PIK3C2G: variants seen among roughly 807,000 people sequenced by gnomAD.
PIK3C2G encodes the protein phosphatidylinositol-4-phosphate 3-kinase catalytic subunit type 2 gamma.
Under a neutral mutation model 181.1 loss-of-function variants are expected in PIK3C2G, and 168 were observed. That is an observed-to-expected ratio of 0.93 (90% CI 0.82 to 1.05). The LOEUF (loss-of-function observed/expected upper bound fraction) is 1.05, where lower values mean the gene tolerates loss of function less well. Ranked by LOEUF, PIK3C2G falls within the 50% of genes least tolerant of loss-of-function variation. PIK3C2G has a pLI of 0.00. For synonymous variants in PIK3C2G, 573 were observed against 592.2 expected (o/e 0.97, Z 0.47); for missense variants, 1,869 against 1,732.8 (o/e 1.08, Z -1.40).
chr12:18,511,763 G>T (rs149968009), intron 24 of PIK3C2G, among the ~76,000 whole-genome samples: 4 of 151,920 alleles, frequency 2.6e-5, no homozygotes, highest in African/African-American at 9.6e-5. Context: ...CAGATTCTAT[G>T]GGCCATCTCT....
At chr12:18,285,018 C>T (rs545756224) in intron 2 of PIK3C2G, among the ~76,000 whole-genome samples, 22 of 152,200 alleles carry the variant, frequency 1.4e-4, no homozygotes, top group Non-Finnish European at 2.4e-4. Context: ...ACAGATCTAA[C>T]AAGCTCGCCA....
chr12:18,657,216 A>G, the PIK3C2G span, among the ~76,000 whole-genome samples: 2 of 152,286 alleles, frequency 1.3e-5, no homozygotes, highest in East Asian at 3.9e-4. Flanking sequence ...ATAGAGTTGG[A>G]ACAAACAATT....
At chr12:18,701,627 C>T in the PIK3C2G span, 5 of 1,568,918 alleles carry the variant, frequency 3.2e-6, no homozygotes, top group Non-Finnish European at 4.3e-6. Flanking sequence ...CCTCCTCCTC[C>T]TCCTCCTCCT....
intron 5 of PIK3C2G, among the ~76,000 whole-genome samples, chr12:18,309,035 T>A (rs1321590103): frequency 1.3e-5 from 2 of 151,700 alleles, no homozygotes; most frequent in Non-Finnish European, 3.0e-5. Flanking sequence ...AAGATAAATA[T>A]CTTAGTAGTC....
At chr12:18,652,141 A>C (rs982489872), downstream of PIK3C2G, among the ~76,000 whole-genome samples, 1 of 152,132 alleles carries the variant, frequency 6.6e-6, no homozygotes, top group Non-Finnish European at 1.5e-5. Context: ...AACCCCAGGT[A>C]CCTCAGAATG....
chr12:18,248,809 T>G (rs1481675014), intron 1 of PIK3C2G, among the ~76,000 whole-genome samples: 1 of 152,132 alleles, frequency 6.6e-6, no homozygotes, highest in Non-Finnish European at 1.5e-5. Context: ...TAAATGTGTT[T>G]TATTGGCAAC....
chr12:18,595,670 C>T lies in PIK3C2G; in HGVS notation c.4087+1101C>T, dbSNP rs968329029. On this transcript the variant is annotated intron_variant, in intron 30 of 32. Coordinates refer to ENST00000538779, the MANE Select transcript of PIK3C2G (RefSeq NM_001288772.2). ...TCTTTGGCTTCTGATTGCCCTTAGG[C>T]AGGGCCAGCTGTATCCACTTGTGAC... Among the ~76,000 whole-genome samples the T allele has an allele frequency of 2.0e-5, 3 of 152,108 alleles. No homozygotes were observed. The East Asian group carries it at 5.8e-4, about 29-fold the overall frequency.
At chr12:18,650,434 T>C, downstream of PIK3C2G, among the ~76,000 whole-genome samples, 1 of 149,398 alleles carries the variant, frequency 6.7e-6, no homozygotes, top group East Asian at 2.0e-4. Context: ...TAGGAATTTT[T>C]TTAATCTTTG....
chr12:18,325,536 G>A (rs574685153), intron 8 of PIK3C2G, among the ~76,000 whole-genome samples: 4 of 151,828 alleles, frequency 2.6e-5, no homozygotes, highest in East Asian at 1.9e-4. Flanking sequence ...GTGAAACCCC[G>A]TCTCTACTAA....
At chr12:18,609,845 A>T (rs1291276232) in intron 31 of PIK3C2G, among the ~76,000 whole-genome samples, 1 of 152,056 alleles carries the variant, frequency 6.6e-6, no homozygotes, top group Non-Finnish European at 1.5e-5. Context: ...TCCTAGAATG[A>T]ACATTAAACT....
At chr12:18,356,987 CT>C (rs1940800529) in intron 11 of PIK3C2G, among the ~76,000 whole-genome samples, 2 of 152,216 alleles carry the variant, frequency 1.3e-5, no homozygotes, top group Middle Eastern at 3.4e-3. Flanking sequence ...GCACCCCACC[CT>C]TTTCTGTCTA....
At chr12:18,496,201 A>G in intron 21 of PIK3C2G, 47 bp downstream of exon 21, 2 of 1,074,764 alleles carry the variant, frequency 1.9e-6, no homozygotes, top group Non-Finnish European at 2.7e-6. Flanking sequence ...ACACAGAACT[A>G]TCGATTTATT....
At chr12:18,493,861 A>G (rs892396881) in intron 20 of PIK3C2G, 1 of 152,200 alleles carries the variant, frequency 6.6e-6, no homozygotes, top group Admixed American at 6.5e-5. Context: ...CAAATTCTCA[A>G]CCTTTGCCTC....
At chr12:18,606,359 G>A (rs761560485) in intron 30 of PIK3C2G, among the ~76,000 whole-genome samples, 5 of 151,940 alleles carry the variant, frequency 3.3e-5, no homozygotes, top group Non-Finnish European at 7.4e-5. Flanking sequence ...GCCTCAAAAC[G>A]TCATCAGCAT....
chr12:18,623,442 T>C (rs1025796412), intron 31 of PIK3C2G, among the ~76,000 whole-genome samples: 4 of 151,922 alleles, frequency 2.6e-5, no homozygotes, highest in African/African-American at 9.7e-5. Context: ...ACTATCATTT[T>C]GTTGTATAGT....
At chr12:18,385,936 C>G (rs889025855) in intron 14 of PIK3C2G, among the ~76,000 whole-genome samples, 1 of 152,144 alleles carries the variant, frequency 6.6e-6, no homozygotes, top group Non-Finnish European at 1.5e-5. Flanking sequence ...CTGCTAGTTC[C>G]TAGGTGCCAA....
At chr12:18,424,175 T>C in intron 18 of PIK3C2G, 136 bp downstream of exon 18, 1 of 566,234 alleles carries the variant, frequency 1.8e-6, no homozygotes, top group Non-Finnish European at 3.2e-6. Flanking sequence ...TGAGTCTTTG[T>C]CAATGTCATT....
At chr12:18,364,183 C>G (rs1314436457) in intron 12 of PIK3C2G, among the ~76,000 whole-genome samples, 2 of 152,170 alleles carry the variant, frequency 1.3e-5, no homozygotes, top group Non-Finnish European at 2.9e-5. Flanking sequence ...TCTACTTACC[C>G]TAACTATCCC....
chr12:18,719,720 G>T, the PIK3C2G span: 2 of 826,736 alleles, frequency 2.4e-6, no homozygotes. Flanking sequence ...AACTTACTCA[G>T]TAGTAGAGCA....
Sources: allele counts gnomAD v4.1 joint callset (sites outside exome capture counted in the v4.1 genomes callset), GRCh38; gene constraint gnomAD v4.1.1; transcripts MANE v1.5; gene names NCBI Gene and HGNC (gene_info 2026-07-23, HGNC 2026-07-21).